CTNNA3: variants seen among roughly 807,000 people sequenced by gnomAD.
CTNNA3 encodes catenin alpha 3.
In CTNNA3, 76 loss-of-function variants were observed where a neutral mutation model predicts 95.7. The ratio of observed to expected loss-of-function variants is 0.79; its 90% CI spans 0.66 to 0.96. The LOEUF is 0.96. Ranked by LOEUF, CTNNA3 falls within the 40% of genes least tolerant of loss-of-function variation. CTNNA3 has a pLI of 0.00. For missense variants in CTNNA3, 1,191 were observed against 1,089.8 expected, an observed-to-expected ratio of 1.09 and a Z score of -1.31; for synonymous variants, 431 against 374.4, an observed-to-expected ratio of 1.15 and a Z score of -1.74.
intron 11 of CTNNA3, among the ~76,000 whole-genome samples, chr10:66,388,063 G>A (rs1293183837): frequency 6.6e-6 from 1 of 152,214 alleles, no homozygotes; most frequent in East Asian, 1.9e-4. Flanking sequence ...CCTACATGTT[G>A]TGCACATGTA....
intron 1 of CTNNA3, among the ~76,000 whole-genome samples, chr10:67,733,010 T>A (rs1441437366): frequency 6.6e-6 from 1 of 152,072 alleles, no homozygotes; most frequent in Non-Finnish European, 1.5e-5. Flanking sequence ...ACAGCGTTTA[T>A]GGGGAAAATC....
Position 66,427,608 on chromosome 10 carries a change from G to C in CTNNA3, c.1532-48256C>G, listed in dbSNP as rs116052821. ...ATTTGAAGTCATTTATCATATTTTTGCTCTTGTAAACAGAGGTGGAACAAC... is the reference window on the plus strand; with the variant it reads ...ATTTGAAGTCATTTATCATATTTTTCCTCTTGTAAACAGAGGTGGAACAAC... On this transcript the variant is annotated intron_variant, in intron 11 of 17. Coordinates refer to ENST00000433211, the MANE Select transcript of CTNNA3 (RefSeq NM_013266.4). Among the ~76,000 whole-genome samples, 414 of 152,146 alleles carry C rather than the reference G, an allele frequency of 2.7e-3. 2 individuals are homozygous for C. The highest frequency in any genetic ancestry group is 9.5e-3 in the African/African-American group (396 of 41,554).
At chr10:67,227,825 A>C (rs985797411) in intron 5 of CTNNA3, among the ~76,000 whole-genome samples, 2 of 152,214 alleles carry the variant, frequency 1.3e-5, no homozygotes, top group African/African-American at 2.4e-5. Flanking sequence ...AATTTAAGAA[A>C]ATTGAAATTA....
chr10:67,691,326 G>C (rs2133588457), intron 1 of CTNNA3, among the ~76,000 whole-genome samples: 1 of 152,340 alleles, frequency 6.6e-6, no homozygotes, highest in African/African-American at 2.4e-5. Context: ...CGTCTGGGAA[G>C]TGAGGAGCAT....
At chr10:67,741,920 T>A (rs558106101) in intron 1 of CTNNA3, among the ~76,000 whole-genome samples, 12 of 151,208 alleles carry the variant, frequency 7.9e-5, no homozygotes, top group Non-Finnish European at 1.6e-4. Flanking sequence ...GGCCATTACA[T>A]AATGGTAAAG....
At chr10:66,784,094 C>A (rs4433473) in intron 7 of CTNNA3, among the ~76,000 whole-genome samples, 25,845 of 152,062 alleles carry the variant, frequency 0.17, 2,837 homozygotes, top group African/African-American at 0.31. Flanking sequence ...CTGTGTCTTG[C>A]AGACATGTTT....
intron 5 of CTNNA3, among the ~76,000 whole-genome samples, chr10:67,222,172 T>C (rs1864692559): frequency 1.3e-5 from 2 of 152,188 alleles, no homozygotes; most frequent in South Asian, 4.1e-4. Context: ...ATAAACACTG[T>C]CTGCTACTTC....
intron 5 of CTNNA3, among the ~76,000 whole-genome samples, chr10:67,420,308 T>C (rs1214083682): frequency 6.6e-6 from 1 of 152,240 alleles, no homozygotes; most frequent in Non-Finnish European, 1.5e-5. Flanking sequence ...AATGCTCTTT[T>C]TCAATATTTC....
chr10:67,090,239 T>C (rs984713933), intron 7 of CTNNA3, among the ~76,000 whole-genome samples: 1 of 152,088 alleles, frequency 6.6e-6, no homozygotes, highest in Non-Finnish European at 1.5e-5. Flanking sequence ...GGTCAATATG[T>C]GTGTAGTAAG....
chr10:67,761,001 G>C (rs1438530123), intron 1 of CTNNA3, among the ~76,000 whole-genome samples: 2 of 152,104 alleles, frequency 1.3e-5, no homozygotes, highest in African/African-American at 4.8e-5. Flanking sequence ...CCATCCCGTG[G>C]AAAATTATCT....
chr10:67,221,613 C>T (rs187193037), intron 5 of CTNNA3, among the ~76,000 whole-genome samples: 38 of 152,000 alleles, frequency 2.5e-4, no homozygotes, highest in African/African-American at 7.0e-4. Context: ...CGCGCTCTGT[C>T]GCCGAGGCTG....
Position 66,007,873 on chromosome 10 carries a change from T to C in CTNNA3, c.2160-19076A>G, listed in dbSNP as rs553907644. On this transcript the variant is annotated intron_variant, in intron 15 of 17. Coordinates refer to ENST00000433211, the MANE Select transcript of CTNNA3 (RefSeq NM_013266.4). ...TCCCTTCCTTCCTACTTCCCCTCCTTCCTTCCTGGAAGGTGTGCGTGCTGT... is the reference window on the plus strand; with the variant it reads ...TCCCTTCCTTCCTACTTCCCCTCCTCCCTTCCTGGAAGGTGTGCGTGCTGT... 1.9e-3 allele frequency among the ~76,000 whole-genome samples: 282 copies of C among 148,108 alleles called. 1 individual carries two copies. The highest frequency in any genetic ancestry group is 6.7e-3 in the African/African-American group (270 of 40,202).
At chr10:66,849,522 C>G (rs575673361) in intron 7 of CTNNA3, among the ~76,000 whole-genome samples, 112 of 152,166 alleles carry the variant, frequency 7.4e-4, no homozygotes, top group African/African-American at 2.5e-3. Context: ...TGTGTTGTAG[C>G]TTTAATCAAT....
In CTNNA3 at chr10:67,750,345, G is replaced by A; in HGVS notation, c.-2+13089C>T. 4 of 1,515,786 alleles carry A rather than the reference G, an allele frequency of 2.6e-6. 1 individual carries two copies. The South Asian group carries it at 4.5e-5, about 17-fold the overall frequency. 93.9% of individuals were successfully genotyped at this position (1,515,786 alleles called of 1,614,324 possible). Reference sequence around the variant, plus strand: ...ATGCCCATTGTGGGCCTGGGCACTTGGAAGTCTCCTCTCGGCAAAGTGAAA... The same window carrying A: ...ATGCCCATTGTGGGCCTGGGCACTTAGAAGTCTCCTCTCGGCAAAGTGAAA... On this transcript the variant is annotated intron_variant, in intron 1 of 17. Coordinates refer to the CTNNA3 transcript ENST00000684154.
At position 66,516,315 on chromosome 10, in the gene CTNNA3, G is replaced by C. The variant is rs529802819; in HGVS notation, c.1531+4302C>G. 1.1e-3 allele frequency among the ~76,000 whole-genome samples: 163 copies of C among 152,252 alleles called. 1 individual carries two copies. Among genetic ancestry groups the C allele is most frequent in the African/African-American group, 3.3e-3 (137 of 41,550 alleles). On this transcript the variant is annotated intron_variant, in intron 11 of 17. Transcript: ENST00000433211. ...TAAGCTTATGAAGGCACAGAAACTT[G>C]AGAGAGCAGTGGAAACCACTCAGTA...
chr10:66,281,795 T>C (rs980654604), intron 12 of CTNNA3, among the ~76,000 whole-genome samples: 11 of 151,700 alleles, frequency 7.3e-5, no homozygotes, highest in Admixed American at 3.3e-4. Flanking sequence ...TTTGATGATA[T>C]ACATGGGCAC....
chr10:67,182,323 G>A (rs955344725), intron 6 of CTNNA3, among the ~76,000 whole-genome samples: 5 of 152,074 alleles, frequency 3.3e-5, no homozygotes, highest in African/African-American at 9.7e-5. Context: ...AAACAGCATG[G>A]TACTGGTACC....
chr10:67,433,364 G>A (rs1846181386), intron 5 of CTNNA3, among the ~76,000 whole-genome samples: 1 of 151,958 alleles, frequency 6.6e-6, no homozygotes. Context: ...ACATCAATGA[G>A]CACTGATCAC....
rs138018379 is a variant in CTNNA3, at chr10:67,539,914, G to C, written c.293-245C>G. On this transcript the variant is annotated intron_variant, in intron 3 of 17. Transcript: ENST00000433211. The stretch of plus-strand genomic sequence containing the variant: ...AAGAAAGTTGTGCTCAACTGACTAG[G>C]AACATCTAGTAAAATTGCTGCCAAC... Among the ~76,000 whole-genome samples the C allele has an allele frequency of 3.5e-3, 525 of 152,172 alleles. 4 individuals carry two copies. The highest frequency in any genetic ancestry group is 0.012 in the African/African-American group (483 of 41,518).
Sources: allele counts gnomAD v4.1 joint callset (sites outside exome capture counted in the v4.1 genomes callset), GRCh38; gene constraint gnomAD v4.1.1; transcripts MANE v1.5; gene names NCBI Gene and HGNC (gene_info 2026-07-23, HGNC 2026-07-21).